NSD1: variants seen among roughly 807,000 people sequenced by gnomAD.
NSD1 encodes the protein nuclear receptor binding SET domain protein 1.
A neutral mutation model predicts 242.7 loss-of-function variants in NSD1; 26 were observed. The ratio of observed to expected loss-of-function variants is 0.11; its 90% CI spans 0.08 to 0.15. NSD1 has a LOEUF of 0.15. NSD1 is among the 10% of genes least tolerant of loss of function. NSD1 has a pLI of 1.00. For missense variants in NSD1, 2,495 were observed against 3,272.8 expected, an observed-to-expected ratio of 0.76 and a Z score of 5.80; for synonymous variants, 1,106 against 1,178.1, an observed-to-expected ratio of 0.94 and a Z score of 1.25.
intron 2 of NSD1, among the ~76,000 whole-genome samples, chr5:177,191,077 C>T (rs1041550046): frequency 2.0e-5 from 3 of 151,426 alleles, no homozygotes; most frequent in Non-Finnish European, 4.4e-5. Flanking sequence ...AGCGATTCTC[C>T]TGTCTCAGCC....
At chr5:177,166,666 C>G (rs1377968780) in intron 2 of NSD1, among the ~76,000 whole-genome samples, 1 of 151,396 alleles carries the variant, frequency 6.6e-6, no homozygotes, top group Non-Finnish European at 1.5e-5. Flanking sequence ...AATTATGAAC[C>G]CTTATCCCTA....
rs1757741217 is a variant in NSD1 at position 177,269,015 on chromosome 5, C to T, written c.5304-587C>T. On this transcript the variant is annotated intron_variant, in intron 15 of 22. Transcript: ENST00000439151. This position sits in a 1 kb window ranked among gnomAD's most constrained non-coding sequence, Gnocchi z 5.1. ...TATATACTTAGGGCCTTCTCTAGGG[C>T]ATTCTCTGGAGTAAAGTAGGTAGAT... Among the ~76,000 whole-genome samples, 1 of 152,074 alleles carries T rather than the reference C, an allele frequency of 6.6e-6. No individual in the cohort carries two copies. Among genetic ancestry groups the T allele is most frequent in the Non-Finnish European group, 1.5e-5 (1 of 68,010 alleles).
chr5:177,250,577 T>A (rs1006383593), intron 11 of NSD1, among the ~76,000 whole-genome samples: 2 of 151,598 alleles, frequency 1.3e-5, no homozygotes, highest in African/African-American at 4.9e-5. Flanking sequence ...TTTTTTTTTT[T>A]ACCATATATA....
intron 2 of NSD1, among the ~76,000 whole-genome samples, chr5:177,165,793 T>C (rs1759138856): frequency 1.3e-5 from 2 of 152,124 alleles, no homozygotes; most frequent in Non-Finnish European, 2.9e-5. Flanking sequence ...GTTGTTGTTA[T>C]AGCCATAGGC....
intron 2 of NSD1, among the ~76,000 whole-genome samples, chr5:177,185,816 TATATA>T (rs1307563300): frequency 2.2e-5 from 2 of 90,336 alleles, no homozygotes; most frequent in Non-Finnish European, 3.8e-5. Flanking sequence ...TAAATTTATA[TATATA>T]ATATATAAGT....
At chr5:177,185,674 ATAT>A (rs1299436342) in intron 2 of NSD1, among the ~76,000 whole-genome samples, 1 of 123,164 alleles carries the variant, frequency 8.1e-6, no homozygotes, top group Non-Finnish European at 1.6e-5. Flanking sequence ...TTATATATAT[ATAT>A]AATATATATT....
intron 2 of NSD1, among the ~76,000 whole-genome samples, chr5:177,150,320 A>T (rs940894784): frequency 7.9e-5 from 12 of 151,946 alleles, no homozygotes; most frequent in African/African-American, 2.9e-4. Flanking sequence ...TTGTAGAGAC[A>T]GGTTTTCACT....
intron 5 of NSD1, among the ~76,000 whole-genome samples, chr5:177,219,407 G>C (rs1022273074): frequency 1.3e-5 from 2 of 151,448 alleles, no homozygotes; most frequent in Non-Finnish European, 2.9e-5. Context: ...GGATGGTCTC[G>C]ATTTCCTGAC....
At chr5:177,196,837 G>T (rs1762134964) in intron 3 of NSD1, among the ~76,000 whole-genome samples, 7 of 152,232 alleles carry the variant, frequency 4.6e-5, no homozygotes, top group Admixed American at 4.6e-4. Flanking sequence ...GTAGGAGAAT[G>T]TGGCTAGAGT....
At chr5:177,273,628 C>A in intron 16 of NSD1, 44 bp from the exon 17 acceptor site, 1 of 1,401,454 alleles carries the variant, frequency 7.1e-7, no homozygotes, top group Non-Finnish European at 1.0e-6. Flanking sequence ...ATAAGTAATT[C>A]CACCCAGAGA....
intron 17 of NSD1, among the ~76,000 whole-genome samples, chr5:177,279,610 ATTTTTT>A (rs536478404): frequency 9.4e-5 from 9 of 95,416 alleles, no homozygotes; most frequent in South Asian, 3.8e-4. Context: ...AGCTTTGAAA[ATTTTTT>A]TTTTTTTTTT....
chr5:177,295,596 C>T lies in NSD1; in HGVS notation c.*137C>T. 1 of 925,422 alleles carries T rather than the reference C, an allele frequency of 1.1e-6. No individual in the cohort carries two copies. The highest frequency in any genetic ancestry group is 1.7e-6 in the Non-Finnish European group (1 of 585,568). The allele number at this position is 925,422 out of a possible 1,614,324, so 57.3% of individuals were successfully genotyped here. ...TCCCACTGTTATTCTTTCCTCATAT[C>T]CCAACACTCAGAACTCTTGTGACAT... is the stretch of plus-strand genomic sequence containing the variant. On this transcript the variant is annotated 3_prime_UTR_variant, in exon 23 of 23. Transcript: ENST00000439151. The surrounding 1 kb of genome is among the most constrained non-coding windows in gnomAD (Gnocchi z 4.3).
intron 2 of NSD1, among the ~76,000 whole-genome samples, chr5:177,178,210 A>G (rs988749351): frequency 1.3e-5 from 2 of 152,046 alleles, no homozygotes; most frequent in Non-Finnish European, 2.9e-5. Flanking sequence ...AAAATATTTT[A>G]ATAGACATTT....
intron 2 of NSD1, among the ~76,000 whole-genome samples, chr5:177,152,206 A>G (rs1044598067): frequency 2.0e-5 from 3 of 150,532 alleles, no homozygotes; most frequent in African/African-American, 4.9e-5. Flanking sequence ...GGATGGCACT[A>G]TGTTCCCTAG....
At chr5:177,185,701 AAT>A (rs941146561) in intron 2 of NSD1, among the ~76,000 whole-genome samples, 4 of 114,550 alleles carry the variant, frequency 3.5e-5, no homozygotes, top group African/African-American at 1.4e-4. Flanking sequence ...TTTTTATTAT[AAT>A]ATATATACAT....
intron 2 of NSD1, among the ~76,000 whole-genome samples, chr5:177,143,944 C>T (rs1757026993): frequency 1.3e-5 from 2 of 151,992 alleles, no homozygotes; most frequent in Non-Finnish European, 1.5e-5. Flanking sequence ...CGCCACCATG[C>T]CCGACTAATT....
chr5:177,236,737 T>G (rs969131130), intron 6 of NSD1, among the ~76,000 whole-genome samples: 4 of 152,256 alleles, frequency 2.6e-5, no homozygotes, highest in Non-Finnish European at 5.9e-5. Flanking sequence ...GATTGAAAGT[T>G]GAACATTTTT....
chr5:177,206,830 G>A (rs947437720), intron 4 of NSD1, among the ~76,000 whole-genome samples: 1 of 150,098 alleles, frequency 6.7e-6, no homozygotes, highest in Non-Finnish European at 1.5e-5. Flanking sequence ...ACAGTCATGA[G>A]CATTAGTGGA....
At position 177,134,762 on chromosome 5, in the gene NSD1, G is replaced by A. The variant is rs1158596327; in HGVS notation, c.-17-325G>A. Reference sequence around the variant, plus strand: ...TGCTCGACCCCTGGCGAGGGAGGGGGAGGACTAGTCCTGTTTGAGAATTGG... The same window carrying A: ...TGCTCGACCCCTGGCGAGGGAGGGGAAGGACTAGTCCTGTTTGAGAATTGG... On this transcript the variant is annotated intron_variant, in intron 1 of 22. Coordinates refer to ENST00000439151, the MANE Select transcript of NSD1 (RefSeq NM_022455.5). The surrounding 1 kb of genome is among the most constrained non-coding windows in gnomAD (Gnocchi z 4.2). Among the ~76,000 whole-genome samples the A allele has an allele frequency of 1.3e-5, 2 of 152,252 alleles. No homozygotes were observed. The highest frequency in any genetic ancestry group is 2.9e-5 in the Non-Finnish European group (2 of 68,042).
Sources: allele counts gnomAD v4.1 joint callset (sites outside exome capture counted in the v4.1 genomes callset), GRCh38; gene constraint gnomAD v4.1.1; non-coding constraint Gnocchi (gnomAD v3.1); transcripts MANE v1.5; gene names NCBI Gene and HGNC (gene_info 2026-07-23, HGNC 2026-07-21).